Variants in CDC42BPB observed in about 807,000 individuals in gnomAD.
CDC42BPB encodes CDC42 binding protein kinase beta, also known as serine/threonine-protein kinase MRCK beta.
A neutral mutation model predicts 214.9 loss-of-function variants in CDC42BPB; 37 were observed. The observed-to-expected ratio is 0.17, with a 90% CI of 0.13 to 0.23. CDC42BPB has a LOEUF of 0.23. Among genes scored for constraint, CDC42BPB ranks in the 10% least tolerant of loss-of-function variants. The pLI, the probability that CDC42BPB is intolerant of heterozygous loss-of-function variation, is 1.00. For missense variants in CDC42BPB, 1,694 were observed against 2,227.0 expected (o/e 0.76, Z 4.82); for synonymous variants, 931 against 884.0 (o/e 1.05, Z -0.94).
At position 102,992,236 on chromosome 14, in the gene CDC42BPB, C is replaced by T. The variant is rs79557153; in HGVS notation, c.597-5656G>A. The stretch of plus-strand genomic sequence containing the variant: ...TGCACCCCTCGGTTTGGGAGCTTTA[C>T]TGAATACCTGTGACATATCTCAGTA... On this transcript the variant is annotated intron_variant, in intron 5 of 36. Transcript: ENST00000361246. Among the ~76,000 whole-genome samples the T allele has an allele frequency of 2.8e-3, 422 of 152,304 alleles. 1 individual carries two copies. Among genetic ancestry groups the T allele is most frequent in the African/African-American group, 9.7e-3 (402 of 41,556 alleles).
chr14:103,028,691 C>T (rs1367638753), intron 1 of CDC42BPB, among the ~76,000 whole-genome samples: 1 of 152,244 alleles, frequency 6.6e-6, no homozygotes, highest in Non-Finnish European at 1.5e-5. Flanking sequence ...CTTCCTACGT[C>T]ACCTGCCTCC....
At chr14:103,048,324 G>A (rs1252141396) in intron 1 of CDC42BPB, among the ~76,000 whole-genome samples, 2 of 151,756 alleles carry the variant, frequency 1.3e-5, no homozygotes, top group African/African-American at 4.8e-5. Flanking sequence ...CGGGCGGACT[G>A]CTTGAGGTCA....
intron 1 of CDC42BPB, among the ~76,000 whole-genome samples, chr14:103,052,658 A>T (rs1037988419): frequency 6.6e-6 from 1 of 152,156 alleles, no homozygotes; most frequent in Non-Finnish European, 1.5e-5. Context: ...GATTAATTCT[A>T]TTCATGAAGA....
intron 1 of CDC42BPB, among the ~76,000 whole-genome samples, chr14:103,040,394 C>T (rs919404929): frequency 2.0e-5 from 3 of 152,002 alleles, no homozygotes; most frequent in Non-Finnish European, 2.9e-5. Context: ...GTATTTTTAC[C>T]CCAATTAAAA....
intron 27 of CDC42BPB, 109 bp from the exon 28 acceptor site, chr14:102,946,793 T>C: frequency 6.7e-7 from 1 of 1,484,910 alleles, no homozygotes; most frequent in Non-Finnish European, 8.9e-7. Flanking sequence ...CGGGGGCTGA[T>C]GTGCTTCCCA....
At chr14:102,951,722 G>C (rs1466352075) in intron 24 of CDC42BPB, among the ~76,000 whole-genome samples, 21 of 152,094 alleles carry the variant, frequency 1.4e-4, no homozygotes, top group Admixed American at 1.4e-3. Context: ...GGGAGGCAGC[G>C]GTTGCAGTAA....
At position 102,978,189 on chromosome 14, in the gene CDC42BPB, C is replaced by G; in HGVS notation, c.1157G>C (p.Gly386Ala). Residue 386 changes from glycine to alanine, a missense_variant, in exon 9 of 37, where the codon GGT (glycine) becomes GCT (alanine). This residue lies in a region of CDC42BPB where 225 missense variants were observed against 459.3 expected (regional missense o/e 0.49). Transcript: ENST00000361246. ...TAATCCAGAAAAGCCTGTGTGAGAA[C>G]CAGGAGGTAATATTTCCTGCATAAG... ...VLRNTEILPP[G>A]SHTGFSGLHL... 6.2e-7 allele frequency: 1 copy of G among 1,613,026 alleles called. No homozygotes were observed. Among genetic ancestry groups the G allele is most frequent in the Non-Finnish European group, 8.5e-7 (1 of 1,179,068 alleles).
chr14:102,938,460 G>A, intron 34 of CDC42BPB, 49 bp from the exon 35 acceptor site: 2 of 1,504,576 alleles, frequency 1.3e-6, no homozygotes, highest in East Asian at 2.3e-5. Flanking sequence ...CACCCGGCAG[G>A]GCCGGCTGCG....
At chr14:103,033,322 C>T (rs377393001) in intron 1 of CDC42BPB, among the ~76,000 whole-genome samples, 6 of 152,170 alleles carry the variant, frequency 3.9e-5, no homozygotes, top group South Asian at 4.2e-4. Context: ...TCTGGGTTCA[C>T]GCCATTCTCC....
intron 1 of CDC42BPB, among the ~76,000 whole-genome samples, chr14:103,033,393 T>C (rs1235391698): frequency 6.6e-6 from 1 of 152,046 alleles, no homozygotes; most frequent in Non-Finnish European, 1.5e-5. Context: ...AGCTAATTTT[T>C]TTGTATTTTT....
At chr14:103,023,375 C>G (rs1886876216) in intron 1 of CDC42BPB, among the ~76,000 whole-genome samples, 1 of 152,152 alleles carries the variant, frequency 6.6e-6, no homozygotes, top group South Asian at 2.1e-4. Context: ...CCTTCTTGGT[C>G]AGGCTGGTCT....
chr14:103,035,186 T>C (rs1021618614), intron 1 of CDC42BPB, among the ~76,000 whole-genome samples: 2 of 152,016 alleles, frequency 1.3e-5, no homozygotes, highest in African/African-American at 2.4e-5. Flanking sequence ...GCCTCCCAAG[T>C]AGCAGGGATT....
At chr14:102,973,918 A>C in intron 12 of CDC42BPB, 98 bp downstream of exon 12, 1 of 1,404,454 alleles carries the variant, frequency 7.1e-7, no homozygotes, top group Non-Finnish European at 9.6e-7. Flanking sequence ...GCCCATGGGC[A>C]GGAGTCCCAA....
At chr14:103,015,897 T>A (rs1886428753) in intron 1 of CDC42BPB, among the ~76,000 whole-genome samples, 1 of 151,756 alleles carries the variant, frequency 6.6e-6, no homozygotes, top group Non-Finnish European at 1.5e-5. Flanking sequence ...TTTTTTTTTT[T>A]AGTAGAGACA....
intron 1 of CDC42BPB, among the ~76,000 whole-genome samples, chr14:103,029,882 A>AG: frequency 6.6e-6 from 1 of 150,494 alleles, no homozygotes; most frequent in African/African-American, 2.5e-5. Context: ...AAAAAAAAAA[A>AG]AGAAATGCTA....
intron 36 of CDC42BPB, among the ~76,000 whole-genome samples, chr14:102,935,006 T>A (rs1891583393): frequency 1.4e-5 from 2 of 140,846 alleles, no homozygotes; most frequent in Admixed American, 7.3e-5. Flanking sequence ...AGAGTGAGAC[T>A]CTGTCTCAAA....
intron 2 of CDC42BPB, among the ~76,000 whole-genome samples, chr14:103,009,005 T>C (rs1249447065): frequency 6.6e-6 from 1 of 152,214 alleles, no homozygotes; most frequent in Non-Finnish European, 1.5e-5. Context: ...TACCAAATCT[T>C]GAATAAGCTC....
intron 5 of CDC42BPB, among the ~76,000 whole-genome samples, chr14:102,992,913 T>C (rs1437355620): frequency 6.6e-6 from 1 of 151,800 alleles, no homozygotes; most frequent in Non-Finnish European, 1.5e-5. Context: ...TGCAACCTCT[T>C]GACTCCCTGG....
rs534602908 is a variant in CDC42BPB at position 102,974,435 on chromosome 14, G to A, written c.1508-286C>T. The A allele has an allele frequency of 5.6e-5, 48 of 857,394 alleles. No homozygotes were observed. In the East Asian group the frequency reaches 6.0e-4, roughly 11 times the overall value. 53.1% of individuals were successfully genotyped at this position (857,394 alleles called of 1,614,324 possible). On this transcript the variant is annotated intron_variant, in intron 11 of 36. Coordinates refer to ENST00000361246, the MANE Select transcript of CDC42BPB (RefSeq NM_006035.4). ...GAGCCCTTGGGTGGCGCACACACTC[G>A]TCTGCTCAGTCCCTCTAACCTGTGT...
Sources: gnomAD v4.1 joint callset for allele counts (sites outside exome capture counted in the v4.1 genomes callset) on GRCh38, gnomAD v4.1.1 for gene constraint, gnomAD v4.1.1 regional missense constraint, MANE v1.5 for transcripts, NCBI Gene and HGNC (gene_info 2026-07-23, HGNC 2026-07-21) for gene names.